Variants in TECRL observed in about 807,000 individuals in gnomAD.
The protein encoded by TECRL is trans-2,3-enoyl-CoA reductase-like.
TECRL carries 63 observed loss-of-function variants against 52.8 expected under a neutral mutation model. That is an observed-to-expected ratio of 1.19 (90% CI 0.97 to 1.47). The LOEUF (loss-of-function observed/expected upper bound fraction) is 1.47. Ranked by LOEUF, TECRL falls within the 40% of genes most tolerant of loss-of-function variation. TECRL has a pLI of 0.00. For synonymous variants in TECRL, 164 were observed against 141.9 expected, an observed-to-expected ratio of 1.16 and a Z score of -1.10; for missense variants, 482 against 429.6, an observed-to-expected ratio of 1.12 and a Z score of -1.08.
intron 6 of TECRL, 49 bp from the exon 7 acceptor site, chr4:64,305,287 A>G (rs762642954): frequency 9.1e-6 from 14 of 1,531,066 alleles, no homozygotes; most frequent in Non-Finnish European, 1.2e-5. Context: ...TATGTAATAT[A>G]TATTTCAATT....
rs562096217 is a variant in TECRL at position 64,368,020 on chromosome 4, A to G, written c.286+7152T>C. On this transcript the variant is annotated intron_variant, in intron 2 of 11. Transcript: ENST00000381210. ...TATTAACCTGGTAGTGTTAATCTCA[A>G]TCTTGAAAGCCACATATACTATGAA... is the stretch of plus-strand genomic sequence containing the variant. 9.2e-5 allele frequency among the ~76,000 whole-genome samples: 14 copies of G among 152,164 alleles called. No individual in the cohort carries two copies. The East Asian group carries it at 2.5e-3, about 27-fold the overall frequency.
chr4:64,403,497 A>ACG (rs1724502472), intron 1 of TECRL, among the ~76,000 whole-genome samples: 1 of 151,912 alleles, frequency 6.6e-6, no homozygotes, highest in Non-Finnish European at 1.5e-5. Context: ...ACACACACAC[A>ACG]CACACATAGA....
intron 8 of TECRL, among the ~76,000 whole-genome samples, chr4:64,291,977 GA>G (rs1723416270): frequency 6.6e-6 from 1 of 152,056 alleles, no homozygotes; most frequent in East Asian, 1.9e-4. Context: ...GGATTTTAAA[GA>G]GCAATAATAA....
At chr4:64,364,660 C>T (rs1032964189) in intron 2 of TECRL, among the ~76,000 whole-genome samples, 8 of 151,606 alleles carry the variant, frequency 5.3e-5, no homozygotes, top group East Asian at 3.9e-4. Flanking sequence ...TAGAAGAAAT[C>T]GATAAATTCC....
intron 1 of TECRL, among the ~76,000 whole-genome samples, chr4:64,379,585 T>C (rs1722635452): frequency 6.6e-6 from 1 of 152,140 alleles, no homozygotes; most frequent in South Asian, 2.1e-4. Context: ...GCTACTTCTG[T>C]TATCTAACTC....
intron 2 of TECRL, among the ~76,000 whole-genome samples, chr4:64,330,570 A>G (rs2110049428): frequency 6.6e-6 from 1 of 152,232 alleles, no homozygotes; most frequent in South Asian, 2.1e-4. Flanking sequence ...TGGGAGGCCA[A>G]GACAGGAAGA....
chr4:64,277,552 T>C (rs1398030174), downstream of TECRL: 1 of 152,096 alleles, frequency 6.6e-6, no homozygotes, highest in East Asian at 1.9e-4. Context: ...CTTTTTGTTA[T>C]TTCTTTAGTG....
At chr4:64,358,411 A>G (rs1720936272) in intron 2 of TECRL, among the ~76,000 whole-genome samples, 1 of 151,824 alleles carries the variant, frequency 6.6e-6, no homozygotes, top group South Asian at 2.1e-4. Flanking sequence ...TATATTGCAC[A>G]TCAAGCAAAA....
chr4:64,374,708 A>G (rs948919552), intron 2 of TECRL, among the ~76,000 whole-genome samples: 1 of 152,188 alleles, frequency 6.6e-6, no homozygotes, highest in Non-Finnish European at 1.5e-5. Flanking sequence ...GATGGTTTCC[A>G]GCTTCATCCA....
rs143746083 is a variant in TECRL, at chr4:64,314,745, T to C, written c.454A>G (p.Thr152Ala). ...AGGAGGTATATTAGCAGAGGTCCTG[T>C]GTATTCAGCCAAAAACACCTGAAAA... ...SWTTVFLAEY[T>A]GPLLIYLLFY... is the part of the protein sequence containing the mutation. The change falls in exon 5 of 12, where the codon ACA becomes GCA. Residue 152 changes from threonine to alanine, a missense_variant. Coordinates refer to ENST00000381210, the MANE Select transcript of TECRL (RefSeq NM_001010874.5). 1,185 of 1,612,854 alleles carry C rather than the reference T, an allele frequency of 7.3e-4. 1 individual carries two copies. Among genetic ancestry groups the C allele is most frequent in the Middle Eastern group, 1.5e-3 (9 of 6,060 alleles).
chr4:64,283,273 C>T (rs1294773802), intron 9 of TECRL, among the ~76,000 whole-genome samples: 1 of 151,992 alleles, frequency 6.6e-6, no homozygotes, highest in Non-Finnish European at 1.5e-5. Flanking sequence ...CTTAACAATC[C>T]TCCTGAGTAT....
chr4:64,304,568 T>C lies in TECRL; in HGVS notation c.730+598A>G, dbSNP rs150009460. On this transcript the variant is annotated intron_variant, in intron 7 of 11. Coordinates refer to ENST00000381210, the MANE Select transcript of TECRL (RefSeq NM_001010874.5). ...GTTGAGCTTTACATTGTGTGCCTTA[T>C]GTGCTACAGTAAGAGCTGAAGAGAG... Among the ~76,000 whole-genome samples, 822 of 152,178 alleles carry C rather than the reference T, an allele frequency of 5.4e-3. 11 individuals carry two copies. Among genetic ancestry groups the C allele is most frequent in the African/African-American group, 0.018 (749 of 41,562 alleles).
chr4:64,303,553 G>C (rs1724142500), intron 7 of TECRL, among the ~76,000 whole-genome samples: 1 of 151,628 alleles, frequency 6.6e-6, no homozygotes, highest in Non-Finnish European at 1.5e-5. Context: ...AGTAAATTTG[G>C]AAAATCTGCC....
chr4:64,311,475 C>G (rs573570710), intron 5 of TECRL, among the ~76,000 whole-genome samples: 2 of 151,998 alleles, frequency 1.3e-5, no homozygotes, highest in Non-Finnish European at 2.9e-5. Flanking sequence ...TTTTATTGTT[C>G]TTTTGTAGAT....
At position 64,409,397 on chromosome 4, in the gene TECRL, G is replaced by A; in HGVS notation, c.-46C>T. The A allele has an allele frequency of 6.3e-7, 1 of 1,594,366 alleles. No individual in the cohort carries two copies. The highest frequency in any genetic ancestry group is 8.6e-7 in the Non-Finnish European group (1 of 1,169,110). Reference sequence around the variant, plus strand: ...TCTGTCATGTCAAAAGTAGAAAATTGCAAGTGTGTTCCTTTTGCATCAGTT... The same window carrying A: ...TCTGTCATGTCAAAAGTAGAAAATTACAAGTGTGTTCCTTTTGCATCAGTT... On this transcript the variant is annotated 5_prime_UTR_variant, in exon 1 of 12. Transcript: ENST00000381210.
intron 1 of TECRL, among the ~76,000 whole-genome samples, chr4:64,397,118 A>T (rs1724008869): frequency 6.6e-6 from 1 of 152,212 alleles, no homozygotes; most frequent in Admixed American, 6.5e-5. Context: ...ACAAAAAAAA[A>T]TTTATCTTGA....
In TECRL at chr4:64,281,547, CA is replaced by C. The variant is rs765170405; in HGVS notation, c.844del (p.Cys282ValfsTer35). The C allele has an allele frequency of 1.3e-6, 2 of 1,598,566 alleles. No individual in the cohort carries two copies. Among genetic ancestry groups the C allele is most frequent in the Non-Finnish European group, 1.7e-6 (2 of 1,171,152 alleles). On this transcript the variant is annotated frameshift_variant, in exon 10 of 12. Coordinates refer to ENST00000381210, the MANE Select transcript of TECRL (RefSeq NM_001010874.5). LOFTEE classifies it high-confidence loss of function. ...GGGGTTATAATTTGGACTTGGGAAA[CA>C]GGCATTGTTTCCTTTTTCAAAGGAA... The part of the protein sequence containing the change: ...SHPNHTGNNA[C>X]FPSPNYNPFT...
In TECRL at chr4:64,280,116, AATTG is replaced by A; in HGVS notation, c.1044_1047del (p.Asn349HisfsTer9). ...ATTGCTGATTTTCTATGAATATATG[AATTG>A]AATTTTCTCAGATAAATCTTATGTT... On this transcript the variant is annotated frameshift_variant, in exon 12 of 12. Transcript: ENST00000381210. LOFTEE classifies it high-confidence loss of function. The A allele has an allele frequency of 6.2e-7, 1 of 1,604,356 alleles. No individual in the cohort carries two copies. Among genetic ancestry groups the A allele is most frequent in the Non-Finnish European group, 8.5e-7 (1 of 1,175,608 alleles).
rs1187969225 is a variant in TECRL, at chr4:64,328,853, C to T, written c.287-297G>A. 3.9e-5 allele frequency among the ~76,000 whole-genome samples: 6 copies of T among 151,976 alleles called. No individual in the cohort carries two copies. In the East Asian group the frequency reaches 9.7e-4, roughly 25 times the overall value. ...ATGCATCAGGTAGTATGAGCTATGA[C>T]TTGTGCACTTCAGTCTATGTAAGTT... On this transcript the variant is annotated intron_variant, in intron 2 of 11. Transcript: ENST00000381210.
Sources: gnomAD v4.1 joint callset for allele counts (sites outside exome capture counted in the v4.1 genomes callset) on GRCh38, gnomAD v4.1.1 for gene constraint, MANE v1.5 for transcripts, NCBI Gene and HGNC (gene_info 2026-07-23, HGNC 2026-07-21) for gene names.